Variants in WNK1 observed in about 807,000 individuals in gnomAD.
WNK1 encodes the protein WNK lysine deficient protein kinase 1, also known as serine/threonine-protein kinase WNK1.
A neutral mutation model predicts 222.8 loss-of-function variants in WNK1; 38 were observed. The ratio of observed to expected loss-of-function variants is 0.17; its 90% CI spans 0.13 to 0.22. The LOEUF (loss-of-function observed/expected upper bound fraction) is 0.22, where lower values mean the gene tolerates loss of function less well. WNK1 is among the 10% of genes least tolerant of loss of function. The probability of loss-of-function intolerance (pLI) is 1.00; values close to 1 mark genes in which losing one functional copy is unlikely to be tolerated. For missense variants in WNK1, 2,348 were observed against 2,918.4 expected (o/e 0.80, Z 4.50); for synonymous variants, 1,090 against 1,092.9 (o/e 1.00, Z 0.05).
At position 868,600 on chromosome 12, in the gene WNK1, C is replaced by T. The variant is rs1464542367; in HGVS notation, c.2140-2665C>T. On this transcript the variant is annotated intron_variant, in intron 8 of 27. Coordinates refer to ENST00000315939, the MANE Select transcript of WNK1 (RefSeq NM_018979.4). ...CTGCGCCTGCTGTGTTAACTCATAA[C>T]AATGAGAGCAGAAGCAACTGTGTAT... is the stretch of plus-strand genomic sequence containing the variant. 6.2e-7 allele frequency: 1 copy of T among 1,613,874 alleles called. No homozygotes were observed. The highest frequency in any genetic ancestry group is 8.5e-7 in the Non-Finnish European group (1 of 1,179,888).
Position 879,688 on chromosome 12 carries a change from C to CGCTCCCTACTCCCTT in WNK1, c.2497_2511dup (p.Thr833_Pro837dup). The CGCTCCCTACTCCCTT allele has an allele frequency of 1.2e-6, 2 of 1,613,772 alleles. No homozygotes were observed. The highest frequency in any genetic ancestry group is 1.7e-6 in the Non-Finnish European group (2 of 1,179,932). ...GCTCATTTCCTTCCAGTGGGACAGCCGCTCCCTACTCCCTTGCTCCCTCAG... is the reference window on the plus strand; with the variant it reads ...GCTCATTTCCTTCCAGTGGGACAGCCGCTCCCTACTCCCTTGCTCCCTACTCCCTTGCTCCCTCAG... On this transcript the variant is annotated inframe_insertion, in exon 11 of 28. Transcript: ENST00000315939.
chr12:763,658 G>T (rs1384128952), intron 1 of WNK1, among the ~76,000 whole-genome samples: 1 of 147,582 alleles, frequency 6.8e-6, no homozygotes, highest in Non-Finnish European at 1.5e-5. Context: ...TGGACAGTGG[G>T]AAGTGAAGCC....
At chr12:830,739 T>C (rs1431206144) in intron 4 of WNK1, among the ~76,000 whole-genome samples, 1 of 152,240 alleles carries the variant, frequency 6.6e-6, no homozygotes. Flanking sequence ...TATCACTACA[T>C]GCTTCATTAT....
At chr12:777,019 A>T (rs1943181077) in intron 1 of WNK1, among the ~76,000 whole-genome samples, 2 of 152,114 alleles carry the variant, frequency 1.3e-5, no homozygotes. Context: ...CTTTATTGTT[A>T]CTATTCTGTG....
Position 909,187 on chromosome 12 carries a change from C to A in WNK1, c.*395C>A, listed in dbSNP as rs1006457805. The A allele has an allele frequency of 2.2e-5, 5 of 228,034 alleles. No individual in the cohort carries two copies. Among genetic ancestry groups the A allele is most frequent in the African/African-American group, 1.1e-4 (5 of 43,748 alleles). The allele number at this position is 228,034 out of a possible 1,614,324, so 14.1% of individuals were successfully genotyped here. A position where few individuals can be genotyped will look rare whatever the true frequency, so the allele number is the denominator to read the frequency against. ...TTTGGTACATGCCCTGAATCCCTCACTCCCTCAAGAATCCGAACCACAGGA... is the reference window on the plus strand; with the variant it reads ...TTTGGTACATGCCCTGAATCCCTCAATCCCTCAAGAATCCGAACCACAGGA... On this transcript the variant is annotated 3_prime_UTR_variant, in exon 28 of 28. Transcript: ENST00000315939.
rs370517971 is a variant in WNK1, at chr12:868,155, C to G, written c.2140-3110C>G. 2.8e-5 allele frequency: 45 copies of G among 1,613,934 alleles called. No individual in the cohort carries two copies. The highest frequency in any genetic ancestry group is 3.7e-5 in the Non-Finnish European group (44 of 1,179,912). ...TTGGGTACTACAGCCAGTAGAGTAACTGGAGAGTCATGTGAGATACAGGTC... is the reference window on the plus strand; with the variant it reads ...TTGGGTACTACAGCCAGTAGAGTAAGTGGAGAGTCATGTGAGATACAGGTC... On this transcript the variant is annotated intron_variant, in intron 8 of 27. Coordinates refer to ENST00000315939, the MANE Select transcript of WNK1 (RefSeq NM_018979.4).
Position 883,486 on chromosome 12 carries a change from A to G in WNK1, c.3581A>G (p.Glu1194Gly). 6.2e-7 allele frequency: 1 copy of G among 1,613,726 alleles called. No homozygotes were observed. Among genetic ancestry groups the G allele is most frequent in the Non-Finnish European group, 8.5e-7 (1 of 1,179,782 alleles). ...GAAAAAGCTGATGAAATGCTCAGTG[A>G]GGATGTCAGTGTGGAACCAGAGGGT... ...IIEKADEMLS[E>G]DVSVEPEGDQ... The change falls in exon 16 of 28, where the codon GAG (glutamate) becomes GGG (glycine). Residue 1194 changes from glutamate to glycine, a missense_variant. Physicochemically the swap from Glu to Gly is moderately conservative, Grantham distance 98 (BLOSUM62 -2). Transcript: ENST00000315939.
At chr12:886,544 A>T (rs117629005) in intron 19 of WNK1, among the ~76,000 whole-genome samples, 3 of 143,550 alleles carry the variant, frequency 2.1e-5, no homozygotes, top group Non-Finnish European at 4.6e-5. Context: ...AAGGAAATTG[A>T]TACAGAGGAG....
rs975581838 is a variant in WNK1, at chr12:885,602, A to G, written c.4798A>G (p.Ile1600Val). Residue 1600 changes from isoleucine (I) to valine (V), a missense_variant, in exon 19 of 28, where the codon ATC becomes GTC. Physicochemically the swap from Ile to Val is conservative, Grantham distance 29 (BLOSUM62 3). Around this residue, in one of 13 missense-constraint regions of WNK1, gnomAD observed 1,144 missense variants for 1,273.6 expected, o/e 0.90. Coordinates refer to ENST00000315939, the MANE Select transcript of WNK1 (RefSeq NM_018979.4). ...ACCTTTATTACCCCAAGTACCTAGT[A>G]TCCCACCCTTGGTACAGCCTGTTGC... is the stretch of plus-strand genomic sequence containing the variant. The part of the protein sequence containing the change: ...STPLLPQVPS[I>V]PPLVQPVANV... 32 of 1,614,010 alleles carry G rather than the reference A, an allele frequency of 2.0e-5. No homozygotes were observed. The African/African-American group carries it at 4.0e-4, about 20-fold the overall frequency.
intron 4 of WNK1, among the ~76,000 whole-genome samples, chr12:847,101 G>A (rs1344767361): frequency 1.3e-5 from 2 of 152,146 alleles, no homozygotes; most frequent in Non-Finnish European, 2.9e-5. Flanking sequence ...ATTAAAGGTG[G>A]TAGCATTCCC....
In WNK1 at chr12:879,685, A is replaced by G; in HGVS notation, c.2486A>G (p.Gln829Arg). The change falls in exon 11 of 28, where the codon CAG becomes CGG. Residue 829 changes from glutamine to arginine, a missense_variant. Around this residue, in one of 13 missense-constraint regions of WNK1, gnomAD observed 547 missense variants for 558.3 expected, o/e 0.98. Transcript: ENST00000315939. Reference sequence around the variant, plus strand: ...GGTGCTCATTTCCTTCCAGTGGGACAGCCGCTCCCTACTCCCTTGCTCCCT... The same window carrying G: ...GGTGCTCATTTCCTTCCAGTGGGACGGCCGCTCCCTACTCCCTTGCTCCCT... Reference protein sequence around the residue: ...HSGAHFLPVGQPLPTPLLPQY... With the variant: ...HSGAHFLPVGRPLPTPLLPQY... 1 of 1,613,852 alleles carries G rather than the reference A, an allele frequency of 6.2e-7. No homozygotes were observed. The highest frequency in any genetic ancestry group is 1.7e-5 in the Admixed American group (1 of 59,982).
chr12:841,623 T>G (rs1478573544), intron 4 of WNK1, among the ~76,000 whole-genome samples: 1 of 152,214 alleles, frequency 6.6e-6, no homozygotes, highest in Non-Finnish European at 1.5e-5. Flanking sequence ...CCATTTGGGC[T>G]GCTATATCAA....
chr12:806,021 G>T (rs1267293370), intron 1 of WNK1, among the ~76,000 whole-genome samples: 1 of 152,090 alleles, frequency 6.6e-6, no homozygotes, highest in South Asian at 2.1e-4. Flanking sequence ...GCCTATTTCA[G>T]CCTGTGAAAC....
chr12:839,276 A>T (rs530146485), intron 4 of WNK1, among the ~76,000 whole-genome samples: 1 of 152,370 alleles, frequency 6.6e-6, no homozygotes, highest in South Asian at 2.1e-4. Context: ...TTAGACTTTA[A>T]TGTAGAGCAC....
intron 9 of WNK1, among the ~76,000 whole-genome samples, chr12:874,961 G>A (rs1952476661): frequency 6.6e-6 from 1 of 152,112 alleles, no homozygotes. Context: ...GGAAAAAGGA[G>A]GCATTTGAAA....
intron 1 of WNK1, among the ~76,000 whole-genome samples, chr12:796,944 A>G (rs1384830090): frequency 2.0e-5 from 3 of 151,636 alleles, no homozygotes; most frequent in Admixed American, 1.3e-4. Context: ...TCTCCACAGT[A>G]TAAATTTTAA....
intron 1 of WNK1, among the ~76,000 whole-genome samples, chr12:799,514 A>G (rs970134909): frequency 6.6e-6 from 1 of 152,000 alleles, no homozygotes; most frequent in Non-Finnish European, 1.5e-5. Context: ...CAGTATTTTT[A>G]TGCCTTCTCT....
At chr12:855,723 C>T (rs1425669616) in intron 4 of WNK1, among the ~76,000 whole-genome samples, 1 of 152,176 alleles carries the variant, frequency 6.6e-6, no homozygotes, top group Non-Finnish European at 1.5e-5. Context: ...CGTGTGGTGA[C>T]TTAGATGAGG....
At chr12:772,441 G>T (rs939449799) in intron 1 of WNK1, among the ~76,000 whole-genome samples, 1 of 151,850 alleles carries the variant, frequency 6.6e-6, no homozygotes, top group Admixed American at 6.6e-5. Flanking sequence ...GTGTGTGTGT[G>T]TATGTATAGG....
Sources: gnomAD v4.1 joint callset for allele counts (sites outside exome capture counted in the v4.1 genomes callset) on GRCh38, gnomAD v4.1.1 for gene constraint, gnomAD v4.1.1 regional missense constraint, MANE v1.5 for transcripts, NCBI Gene and HGNC (gene_info 2026-07-23, HGNC 2026-07-21) for gene names.